Variants in HPD observed in about 807,000 individuals in gnomAD.
HPD encodes 4-hydroxyphenylpyruvic acid oxidase.
Under a neutral mutation model 56.9 loss-of-function variants are expected in HPD, and 35 were observed. That is an observed-to-expected ratio of 0.62 (90% CI 0.47 to 0.82). HPD has a LOEUF of 0.82. Among genes scored for constraint, HPD ranks in the 40% least tolerant of loss-of-function variants. The pLI is 0.00. For synonymous variants in HPD, 186 were observed against 200.2 expected (o/e 0.93, Z 0.60); for missense variants, 442 against 506.8 (o/e 0.87, Z 1.23).
upstream of HPD, among the ~76,000 whole-genome samples, chr12:121,865,416 C>T (rs1026531566): frequency 2.0e-5 from 3 of 151,086 alleles, no homozygotes; most frequent in African/African-American, 7.3e-5. Context: ...ATTATGGGTG[C>T]CCGCCACCAC....
Position 121,847,148 on chromosome 12 carries a change from A to G in HPD, c.663T>C (p.Tyr221=), listed in dbSNP as rs752500607. 2 of 1,614,032 alleles carry G rather than the reference A, an allele frequency of 1.2e-6. No individual in the cohort carries two copies. Among genetic ancestry groups the G allele is most frequent in the Non-Finnish European group, 8.5e-7 (1 of 1,180,026 alleles). ...CCACCACAATGGATCGCAGAGAGCT[A>G]TATTCCGTGTGCACCTGCGTGTCAT... is the stretch of plus-strand genomic sequence containing the variant. ...SVDDTQVHTE[Y]SSLRSIVVAN... is the part of the protein sequence containing the mutation. The change falls in exon 10 of 14, where the codon TAT becomes TAC. Residue 221 remains tyrosine (Y), a synonymous_variant. Transcript: ENST00000289004.
chr12:121,847,023 C>T (rs1188577409), intron 10 of HPD, 29 bp downstream of exon 10: 1 of 1,614,062 alleles, frequency 6.2e-7, no homozygotes. Flanking sequence ...TTCCCTGCTC[C>T]CCTCTCCCCC....
chr12:121,854,494 G>A (rs987289651), intron 7 of HPD, among the ~76,000 whole-genome samples: 2 of 152,110 alleles, frequency 1.3e-5, no homozygotes, highest in African/African-American at 2.4e-5. Flanking sequence ...TCATCCTCCC[G>A]CACTGGGAGG....
the HPD span, among the ~76,000 whole-genome samples, chr12:121,879,513 TC>T: frequency 1.3e-5 from 2 of 151,634 alleles, no homozygotes; most frequent in African/African-American, 4.9e-5. Flanking sequence ...TTTTTTCTTT[TC>T]TTTTCTTTTC....
chr12:121,848,882 G>T, intron 9 of HPD, 117 bp downstream of exon 9: 1 of 837,220 alleles, frequency 1.2e-6, no homozygotes, highest in Non-Finnish European at 2.1e-6. Flanking sequence ...CTGGGATTAC[G>T]GGTGTGAGCC....
chr12:121,871,206 A>C, the HPD span, among the ~76,000 whole-genome samples: 6 of 151,856 alleles, frequency 4.0e-5, no homozygotes, highest in Admixed American at 6.6e-5. Context: ...TACAAAAAAA[A>C]ACCCCAAAAT....
chr12:121,841,569 A>G (rs1348283423), intron 12 of HPD, among the ~76,000 whole-genome samples: 1 of 152,224 alleles, frequency 6.6e-6, no homozygotes, highest in Non-Finnish European at 1.5e-5. Context: ...TATCTATACA[A>G]TGGGATATTT....
At chr12:121,884,690 GTTTGT>G in the HPD span, among the ~76,000 whole-genome samples, 1 of 151,494 alleles carries the variant, frequency 6.6e-6, no homozygotes, top group Non-Finnish European at 1.5e-5. Context: ...TCTGTTTAAA[GTTTGT>G]TTTAAAATTT....
the HPD span, among the ~76,000 whole-genome samples, chr12:121,878,362 T>G: frequency 6.6e-6 from 1 of 152,316 alleles, no homozygotes; most frequent in East Asian, 1.9e-4. Flanking sequence ...TGTTTTGTTT[T>G]TTTATTGAGA....
the HPD span, among the ~76,000 whole-genome samples, chr12:121,878,503 C>G: frequency 1.3e-5 from 2 of 152,094 alleles, no homozygotes; most frequent in African/African-American, 4.8e-5. Context: ...CGTACGCCAC[C>G]ACGCCCGGCT....
At chr12:121,863,654 C>A (rs1014434225), upstream of HPD, 1 of 152,122 alleles carries the variant, frequency 6.6e-6, no homozygotes, top group African/African-American at 2.4e-5. Context: ...GTGGCTGACA[C>A]CTGTAATCCC....
At chr12:121,857,027 C>T (rs900817811) in intron 4 of HPD, 15 of 499,460 alleles carry the variant, frequency 3.0e-5, no homozygotes, top group Non-Finnish European at 4.0e-5. Flanking sequence ...GCGGAGGGGT[C>T]GGTGGGAGCT....
At chr12:121,857,204 T>A (rs1878033139) in intron 4 of HPD, 124 bp downstream of exon 4, 1 of 710,392 alleles carries the variant, frequency 1.4e-6, no homozygotes, top group Non-Finnish European at 2.5e-6. Context: ...CTCAGCCTCC[T>A]GAGTAGCTGG....
intron 4 of HPD, 44 bp from the exon 5 acceptor site, chr12:121,856,669 G>A (rs543011175): frequency 1.9e-6 from 3 of 1,590,488 alleles, no homozygotes; most frequent in East Asian, 4.5e-5. Context: ...GCTCAGGGGG[G>A]CATGGGGAGG....
chr12:121,846,986 C>T (rs1473859380), intron 10 of HPD, 53 bp from the exon 11 acceptor site: 1 of 1,613,298 alleles, frequency 6.2e-7, no homozygotes, highest in African/African-American at 1.3e-5. Flanking sequence ...ACCCACATCC[C>T]TGACCCTACA....
chr12:121,883,227 TGTGTGTGTG>T, the HPD span, among the ~76,000 whole-genome samples: 1 of 99,160 alleles, frequency 1.0e-5, no homozygotes, highest in Non-Finnish European at 2.2e-5. Context: ...TGTGTGTGTG[TGTGTGTGTG>T]GTGGGGTACA....
chr12:121,882,422 C>T, the HPD span, among the ~76,000 whole-genome samples: 16 of 152,224 alleles, frequency 1.1e-4, no homozygotes, highest in Non-Finnish European at 2.4e-4. Context: ...TGAAGTTCTC[C>T]TAGATCTTGG....
chr12:121,855,132 G>T lies in HPD; in HGVS notation c.325-340C>A, dbSNP rs113518072. Among the ~76,000 whole-genome samples the T allele has an allele frequency of 2.4e-3, 359 of 152,178 alleles. 1 individual carries two copies. The highest frequency in any genetic ancestry group is 8.3e-3 in the African/African-American group (344 of 41,556). On this transcript the variant is annotated intron_variant, in intron 6 of 13. Coordinates refer to ENST00000289004, the MANE Select transcript of HPD (RefSeq NM_002150.3). ...AAGAATGGTTGGATGAGAATAATAAGAAGATTCATGCATTTATTTAGCAAA... is the reference window on the plus strand; with the variant it reads ...AAGAATGGTTGGATGAGAATAATAATAAGATTCATGCATTTATTTAGCAAA...
the HPD span, among the ~76,000 whole-genome samples, chr12:121,881,226 G>A: frequency 1.7e-4 from 26 of 152,136 alleles, no homozygotes; most frequent in African/African-American, 5.8e-4. Context: ...AATAAAAATA[G>A]GATGATTTAC....
Sources: allele counts gnomAD v4.1 joint callset (sites outside exome capture counted in the v4.1 genomes callset), GRCh38; gene constraint gnomAD v4.1.1; transcripts MANE v1.5; gene names NCBI Gene and HGNC (gene_info 2026-07-23, HGNC 2026-07-21).